Variants in RANBP2 observed in about 807,000 individuals in gnomAD.
RANBP2 encodes RAN binding protein 2.
In RANBP2, 57 loss-of-function variants were observed where a neutral mutation model predicts 303.6. The observed-to-expected ratio is 0.19, with a 90% CI of 0.15 to 0.23. The LOEUF (loss-of-function observed/expected upper bound fraction) is 0.23, where lower values mean the gene tolerates loss of function less well. RANBP2 is among the 10% of genes least tolerant of loss of function. The pLI is 1.00. For synonymous variants in RANBP2, 1,167 were observed against 1,301.5 expected (o/e 0.90, Z 2.23); for missense variants, 3,138 against 3,780.8 (o/e 0.83, Z 4.46).
chr2:109,614,157 C>G, the RANBP2 span: 2 of 1,191,004 alleles, frequency 1.7e-6, no homozygotes, highest in Non-Finnish European at 2.1e-6. Flanking sequence ...GCGAGGAATG[C>G]AGGCGGGAAC....
the RANBP2 span, among the ~76,000 whole-genome samples, chr2:109,248,710 T>A: frequency 2.1e-4 from 32 of 152,176 alleles, no homozygotes; most frequent in African/African-American, 7.7e-4. Flanking sequence ...TTTCCTTCTT[T>A]CCTTGCCTCC....
downstream of RANBP2, chr2:108,786,905 G>C (rs1453608351): frequency 1.3e-6 from 2 of 1,539,534 alleles, no homozygotes. Context: ...GGGGGCAGCT[G>C]CCCCGACGAG....
chr2:109,082,849 G>A, the RANBP2 span, among the ~76,000 whole-genome samples: 6 of 138,512 alleles, frequency 4.3e-5, no homozygotes, highest in African/African-American at 1.1e-4. Context: ...TTTTTGAGAC[G>A]GAGTCTCACT....
At chr2:108,726,678 CAG>C (rs1336127308) in intron 1 of RANBP2, among the ~76,000 whole-genome samples, 1 of 151,298 alleles carries the variant, frequency 6.6e-6, no homozygotes, top group South Asian at 2.1e-4. Flanking sequence ...GTGTTTCTCA[CAG>C]AGGGGGATTT....
chr2:108,767,270 A>G lies in RANBP2; in HGVS notation c.6731A>G (p.His2244Arg). The G allele has an allele frequency of 6.2e-7, 1 of 1,612,046 alleles. No individual in the cohort carries two copies. Among genetic ancestry groups the G allele is most frequent in the South Asian group, 1.1e-5 (1 of 90,992 alleles). Residue 2244 changes from histidine (H) to arginine (R), a missense_variant, in exon 20 of 29, where the codon CAT (histidine) becomes CGT (arginine). Physicochemically the swap from His to Arg is conservative, Grantham distance 29. This residue lies in a region of RANBP2 where 72 missense variants were observed against 86.8 expected (regional missense o/e 0.83). Transcript: ENST00000283195. ...GATAGTGTCAGTAGTAGCTCAGTAC[A>G]TGCTTCTCCATTGGCAAGTAGCCCT... ...LDDSVSSSSV[H>R]ASPLASSPVR... is the part of the protein sequence containing the mutation.
chr2:109,443,901 G>A, the RANBP2 span, among the ~76,000 whole-genome samples: 366 of 152,234 alleles, frequency 2.4e-3, 1 homozygote, highest in African/African-American at 8.2e-3. Context: ...CTTAGTTGAC[G>A]TTTGTGAAAC....
At chr2:109,359,615 G>T in the RANBP2 span, among the ~76,000 whole-genome samples, 3 of 152,138 alleles carry the variant, frequency 2.0e-5, no homozygotes, top group Admixed American at 6.5e-5. Context: ...GGTACAGGTT[G>T]AGCATCACTA....
At chr2:108,898,728 A>G in the RANBP2 span, among the ~76,000 whole-genome samples, 1 of 152,230 alleles carries the variant, frequency 6.6e-6, no homozygotes, top group Non-Finnish European at 1.5e-5. Context: ...ATCCTCAGGA[A>G]AAATAATAGA....
the RANBP2 span, among the ~76,000 whole-genome samples, chr2:109,410,655 A>T: frequency 2.0e-5 from 3 of 152,246 alleles, no homozygotes; most frequent in Admixed American, 6.5e-5. Context: ...GGGCCACTGC[A>T]TGTCAGCCAG....
At chr2:109,331,673 G>C in the RANBP2 span, among the ~76,000 whole-genome samples, 4 of 152,160 alleles carry the variant, frequency 2.6e-5, no homozygotes, top group Non-Finnish European at 5.9e-5. Flanking sequence ...TTAAGGTAGA[G>C]ATGTTTTTAT....
At chr2:109,335,196 C>T in the RANBP2 span, among the ~76,000 whole-genome samples, 1,353 of 152,340 alleles carry the variant, frequency 8.9e-3, 11 homozygotes, top group Non-Finnish European at 0.013. Context: ...TCTAGAGTTC[C>T]GAGGCCTACG....
At chr2:109,643,390 G>A in the RANBP2 span, among the ~76,000 whole-genome samples, 2 of 152,152 alleles carry the variant, frequency 1.3e-5, no homozygotes, top group Non-Finnish European at 2.9e-5. Flanking sequence ...AGCATTATAA[G>A]TCACAGGATG....
chr2:109,725,964 C>T, the RANBP2 span, among the ~76,000 whole-genome samples: 8 of 151,952 alleles, frequency 5.3e-5, no homozygotes, highest in East Asian at 7.8e-4. Flanking sequence ...AACTCCTGAC[C>T]GCAGGTGATC....
the RANBP2 span, among the ~76,000 whole-genome samples, chr2:109,352,352 T>TG: frequency 2.0e-5 from 3 of 152,228 alleles, no homozygotes; most frequent in Non-Finnish European, 4.4e-5. Context: ...AGGACTGGTC[T>TG]GCTATGCTTT....
chr2:108,729,097 G>A lies in RANBP2; in HGVS notation c.73-35G>A, dbSNP rs776627359. 9 of 1,553,356 alleles carry A rather than the reference G, an allele frequency of 5.8e-6. No homozygotes were observed. In the Admixed American group the frequency reaches 1.0e-4, roughly 18 times the overall value. On this transcript the variant is annotated intron_variant, in intron 1 of 28. Transcript: ENST00000283195. The stretch of plus-strand genomic sequence containing the variant: ...TGAAAAAATGTTGGAAAATATTTCT[G>A]TATGAAAAGTAAAACAACTTTTAAT...
intron 20 of RANBP2, among the ~76,000 whole-genome samples, chr2:108,768,760 C>T (rs868381431): frequency 7.9e-5 from 12 of 152,068 alleles, no homozygotes; most frequent in Admixed American, 3.3e-4. Context: ...AGGCTGGGCA[C>T]GGTGGCTCAC....
the RANBP2 span, among the ~76,000 whole-genome samples, chr2:109,479,938 GC>G: frequency 6.6e-6 from 1 of 152,092 alleles, no homozygotes; most frequent in Non-Finnish European, 1.5e-5. Flanking sequence ...GCCCGGTTTT[GC>G]TGACAGCCCC....
chr2:109,031,585 T>A, the RANBP2 span, among the ~76,000 whole-genome samples: 89,315 of 152,054 alleles, frequency 0.59, 28,207 homozygotes, highest in South Asian at 0.68. Flanking sequence ...TGGCCCCACG[T>A]GCGGCGAGGA....
chr2:108,880,899 A>G, the RANBP2 span, among the ~76,000 whole-genome samples: 1 of 152,238 alleles, frequency 6.6e-6, no homozygotes, highest in Non-Finnish European at 1.5e-5. Context: ...ACGTAATTTC[A>G]ACTTTCAAGT....
Sources: gnomAD v4.1 joint callset for allele counts (sites outside exome capture counted in the v4.1 genomes callset) on GRCh38, gnomAD v4.1.1 for gene constraint, gnomAD v4.1.1 regional missense constraint, MANE v1.5 for transcripts, NCBI Gene and HGNC (gene_info 2026-07-23, HGNC 2026-07-21) for gene names.